The following ADD1 variants were observed in gnomAD, a reference collection of about 807,000 sequenced individuals.
ADD1 encodes the protein alpha-adducin.
A neutral mutation model predicts 80.5 loss-of-function variants in ADD1; 24 were observed. That is an observed-to-expected ratio of 0.30 (90% CI 0.22 to 0.42). The LOEUF (loss-of-function observed/expected upper bound fraction) is 0.42, where lower values mean the gene tolerates loss of function less well. ADD1 is among the 10% of genes least tolerant of loss of function. The probability of loss-of-function intolerance (pLI) is 1.00; values close to 1 mark genes in which losing one functional copy is unlikely to be tolerated. For synonymous variants in ADD1, 373 were observed against 393.8 expected (o/e 0.95, Z 0.63); for missense variants, 948 against 1,019.0 (o/e 0.93, Z 0.95).
intron 6 of ADD1, among the ~76,000 whole-genome samples, chr4:2,895,467 C>G (rs1349509497): frequency 6.6e-6 from 1 of 151,724 alleles, no homozygotes; most frequent in African/African-American, 2.4e-5. Flanking sequence ...GTGTGGGAGA[C>G]TTGAACGTGA....
intron 1 of ADD1, among the ~76,000 whole-genome samples, chr4:2,862,540 CTT>C (rs1423812866): frequency 6.6e-6 from 1 of 152,230 alleles, no homozygotes; most frequent in East Asian, 1.9e-4. Context: ...TTGGCTCTAG[CTT>C]TCTCTCTGCC....
At chr4:2,913,674 A>G (rs889415678) in intron 13 of ADD1, among the ~76,000 whole-genome samples, 38 of 151,908 alleles carry the variant, frequency 2.5e-4, no homozygotes, top group African/African-American at 8.9e-4. Flanking sequence ...CAGTCAGTCC[A>G]AGTTCCCCTG....
At chr4:2,853,372 G>A (rs1727605391) in intron 1 of ADD1, among the ~76,000 whole-genome samples, 1 of 152,138 alleles carries the variant, frequency 6.6e-6, no homozygotes, top group African/African-American at 2.4e-5. Context: ...CTCCCAAAGT[G>A]CTGGGATTAC....
rs112912395 is a variant in ADD1 at position 2,910,428 on chromosome 4, G to A, written c.1791+997G>A. ...AATTCCACAGGTCCTGTTTTTCCCT[G>A]TGCTTAGAGCATCCTTCCAGCTGCC... is the stretch of plus-strand genomic sequence containing the variant. On this transcript the variant is annotated intron_variant, in intron 13 of 15. Coordinates refer to ENST00000683351, the MANE Select transcript of ADD1 (RefSeq NM_001354761.2). Among the ~76,000 whole-genome samples the A allele has an allele frequency of 1.0e-2, 1,517 of 152,222 alleles. 21 individuals carry two copies. Among genetic ancestry groups the A allele is most frequent in the African/African-American group, 0.034 (1,432 of 41,520 alleles).
rs773397870 is a variant in ADD1 at position 2,908,650 on chromosome 4, G to A, written c.1698+46G>A. On this transcript the variant is annotated intron_variant, in intron 12 of 15. Coordinates refer to ENST00000683351, the MANE Select transcript of ADD1 (RefSeq NM_001354761.2). The stretch of plus-strand genomic sequence containing the variant: ...TGACTTTAGTGGGTGGTGGCTGTGT[G>A]ACCGCCTGCTCCAAAGTTATTCTGA... 7.4e-6 allele frequency: 11 copies of A among 1,479,606 alleles called. No homozygotes were observed. In the East Asian group the frequency reaches 2.5e-4, roughly 33 times the overall value. The allele number at this position is 1,479,606 out of a possible 1,614,324, so 91.7% of individuals were successfully genotyped here.
chr4:2,848,726 C>T (rs986898448), intron 1 of ADD1, among the ~76,000 whole-genome samples: 24 of 151,998 alleles, frequency 1.6e-4, no homozygotes, highest in Non-Finnish European at 2.9e-4. Context: ...ATCCTCCTGT[C>T]TCAGCCTCTG....
chr4:2,871,429 A>G (rs1480255016), intron 1 of ADD1, among the ~76,000 whole-genome samples: 1 of 152,146 alleles, frequency 6.6e-6, no homozygotes, highest in East Asian at 1.9e-4. Flanking sequence ...TTGACTTTTT[A>G]TATTTGGAAA....
intron 4 of ADD1, among the ~76,000 whole-genome samples, chr4:2,885,848 G>A (rs1312417232): frequency 6.6e-6 from 1 of 152,044 alleles, no homozygotes; most frequent in Non-Finnish European, 1.5e-5. Flanking sequence ...CTGACCTTGT[G>A]ATCCGCCCGC....
At chr4:2,896,351 G>A (rs1003050804) in intron 6 of ADD1, among the ~76,000 whole-genome samples, 2 of 152,074 alleles carry the variant, frequency 1.3e-5, no homozygotes, top group African/African-American at 4.8e-5. Context: ...TGGGACTACA[G>A]GTGCACACCA....
chr4:2,874,664 C>T (rs1444359149), intron 1 of ADD1, among the ~76,000 whole-genome samples: 1 of 150,828 alleles, frequency 6.6e-6, no homozygotes, highest in African/African-American at 2.4e-5. Context: ...CTTATCTTTA[C>T]ATTTAGAACA....
At chr4:2,893,896 G>C in intron 4 of ADD1, 117 bp from the exon 5 acceptor site, 1 of 880,430 alleles carries the variant, frequency 1.1e-6, no homozygotes, top group Non-Finnish European at 1.9e-6. Flanking sequence ...ATTGTGCATG[G>C]ACGCTTCCCT....
intron 13 of ADD1, among the ~76,000 whole-genome samples, chr4:2,913,683 T>C (rs1026052017): frequency 2.0e-5 from 3 of 151,958 alleles, no homozygotes; most frequent in Non-Finnish European, 4.4e-5. Context: ...CAAGTTCCCC[T>C]GTCTCTGCTT....
At chr4:2,923,615 C>G (rs1352295030) in intron 14 of ADD1, among the ~76,000 whole-genome samples, 1 of 152,248 alleles carries the variant, frequency 6.6e-6, no homozygotes. Flanking sequence ...ACATTTGTCT[C>G]TTTACGAACA....
intron 13 of ADD1, among the ~76,000 whole-genome samples, chr4:2,910,088 A>G (rs1380085726): frequency 6.8e-6 from 1 of 147,194 alleles, no homozygotes; most frequent in African/African-American, 2.5e-5. Flanking sequence ...TATGTGGAGT[A>G]GGTGGAAGAT....
Position 2,861,843 on chromosome 4 carries a change from C to T in ADD1, c.-20-14053C>T, listed in dbSNP as rs191878797. ...GATCAGTGTGATCCTTTAAGGCAAA[C>T]TTGTCCAACCTGTTGCCCACATGTG... On this transcript the variant is annotated intron_variant, in intron 1 of 15. Coordinates refer to ENST00000683351, the MANE Select transcript of ADD1 (RefSeq NM_001354761.2). Among the ~76,000 whole-genome samples, 4 of 152,312 alleles carry T rather than the reference C, an allele frequency of 2.6e-5. No homozygotes were observed. In the East Asian group the frequency reaches 7.7e-4, roughly 29 times the overall value.
At chr4:2,915,297 G>A (rs1286755778) in intron 14 of ADD1, among the ~76,000 whole-genome samples, 2 of 152,136 alleles carry the variant, frequency 1.3e-5, no homozygotes, top group Non-Finnish European at 2.9e-5. Flanking sequence ...CCTGAGGTCG[G>A]GAGTTCGAGA....
chr4:2,850,891 G>A (rs1249811109), intron 1 of ADD1, among the ~76,000 whole-genome samples: 2 of 152,184 alleles, frequency 1.3e-5, no homozygotes, highest in Non-Finnish European at 2.9e-5. Flanking sequence ...AATCTATACA[G>A]GCAGAAGGTA....
chr4:2,919,002 G>A (rs1382338772), intron 14 of ADD1, among the ~76,000 whole-genome samples: 3 of 151,842 alleles, frequency 2.0e-5, no homozygotes, highest in Middle Eastern at 3.2e-3. Flanking sequence ...CACCACACCC[G>A]GTTAATTTTT....
At chr4:2,895,474 G>T (rs1289976196) in intron 6 of ADD1, among the ~76,000 whole-genome samples, 1 of 152,056 alleles carries the variant, frequency 6.6e-6, no homozygotes, top group East Asian at 1.9e-4. Context: ...AGACTTGAAC[G>T]TGAGGACAGT....
Sources: allele counts gnomAD v4.1 joint callset (sites outside exome capture counted in the v4.1 genomes callset), GRCh38; gene constraint gnomAD v4.1.1; transcripts MANE v1.5; gene names NCBI Gene and HGNC (gene_info 2026-07-23, HGNC 2026-07-21).